LONP1: variants seen among roughly 807,000 people sequenced by gnomAD.
LONP1 encodes the protein lon protease homolog, mitochondrial.
LONP1 carries 31 observed loss-of-function variants against 98.5 expected under a neutral mutation model. The observed-to-expected ratio is 0.31, with a 90% CI of 0.24 to 0.42. The LOEUF (loss-of-function observed/expected upper bound fraction) is 0.42. LONP1 is among the 20% of genes least tolerant of loss of function. LONP1 has a pLI of 1.00. For synonymous variants in LONP1, 781 were observed against 594.7 expected, an observed-to-expected ratio of 1.31 and a Z score of -4.56; for missense variants, 1,336 against 1,350.6, an observed-to-expected ratio of 0.99 and a Z score of 0.17.
chr19:5,702,815 G>A (rs3901304), intron 8 of LONP1, among the ~76,000 whole-genome samples: 17,085 of 150,876 alleles, frequency 0.11, 1,025 homozygotes, highest in South Asian at 0.22. Context: ...GATGCTTGAA[G>A]GCAGCATGCT....
In LONP1 at chr19:5,711,997, T is replaced by C. The variant is rs750475966; in HGVS notation, c.644A>G (p.His215Arg). The change falls in exon 4 of 18, where the codon CAT becomes CGT. Residue 215 changes from histidine to arginine, a missense_variant. Around this residue, in one of 5 missense-constraint regions of LONP1, gnomAD observed 457 missense variants for 403.1 expected, o/e 1.13. Transcript: ENST00000360614. ...CTCCACCTCCAGCTGTCTGCTGATA[T>C]GGACTCTGACACGGGAGCAAGGCAG... ...RMIVMGHRRV[H>R]ISRQLEVEPE... The C allele has an allele frequency of 1.1e-5, 18 of 1,611,706 alleles. No individual in the cohort carries two copies. The highest frequency in any genetic ancestry group is 4.4e-5 in the South Asian group (4 of 91,038).
At chr19:5,707,194 G>C (rs755117452) in intron 6 of LONP1, 51 bp from the exon 7 acceptor site, 10 of 1,463,722 alleles carry the variant, frequency 6.8e-6, no homozygotes, top group African/African-American at 2.8e-5. Flanking sequence ...GCATCTGTGT[G>C]TGTAGGGCCG....
At chr19:5,714,323 G>T in intron 1 of LONP1, 52 bp from the exon 2 acceptor site, 1 of 1,251,946 alleles carries the variant, frequency 8.0e-7, no homozygotes, top group African/African-American at 1.5e-5. Flanking sequence ...TTTTTTTTGA[G>T]ACAGAGTCTC....
chr19:5,692,770 CCAATT>C (rs1455272136), intron 17 of LONP1, among the ~76,000 whole-genome samples: 4 of 152,168 alleles, frequency 2.6e-5, no homozygotes, highest in Non-Finnish European at 4.4e-5. Flanking sequence ...TGCCTGGTGT[CCAATT>C]CAAGGTGGTC....
Position 5,693,787 on chromosome 19 carries a change from C to A in LONP1, c.2321-18G>T, listed in dbSNP as rs770118418. The A allele has an allele frequency of 3.1e-6, 5 of 1,608,578 alleles. No individual in the cohort carries two copies. Among genetic ancestry groups the A allele is most frequent in the Admixed American group, 3.3e-5 (2 of 59,812 alleles). On this transcript the variant is annotated intron_variant, in intron 15 of 17. Coordinates refer to ENST00000360614, the MANE Select transcript of LONP1 (RefSeq NM_004793.4). The stretch of plus-strand genomic sequence containing the variant: ...GGAGCCTCCTGAAACAGGTGTGGAG[C>A]TGTGAACACGGGAGGCCTCGGAGCC...
chr19:5,699,867 T>C (rs2055010043), intron 9 of LONP1, among the ~76,000 whole-genome samples: 1 of 152,048 alleles, frequency 6.6e-6, no homozygotes, highest in African/African-American at 2.4e-5. Context: ...CTCTGACTCC[T>C]GTTTTTTAAC....
At chr19:5,695,637 A>G (rs969998365) in intron 13 of LONP1, among the ~76,000 whole-genome samples, 2 of 151,984 alleles carry the variant, frequency 1.3e-5, no homozygotes, top group East Asian at 1.9e-4. Context: ...AAAAAAACAC[A>G]TGAGAAATAT....
intron 1 of LONP1, among the ~76,000 whole-genome samples, chr19:5,719,010 A>G (rs2145640596): frequency 6.6e-6 from 1 of 152,280 alleles, no homozygotes; most frequent in South Asian, 2.1e-4. Flanking sequence ...TTCTAATACA[A>G]TATCGTTACT....
Position 5,693,731 on chromosome 19 carries a change from G to A in LONP1, c.2359C>T (p.Pro787Ser). The change falls in exon 16 of 18, where the codon CCA (proline) becomes TCA (serine). Residue 787 changes from proline to serine, a missense_variant. This residue lies in a region of LONP1 where 555 missense variants were observed against 542.6 expected (regional missense o/e 1.02). Transcript: ENST00000360614. ...TLFVETSLRR[P>S]QDKDAKGDKD... ...TCACCCTTGGCATCCTTGTCCTGTG[G>A]CCGTCTCAGGGATGTCTCCACAAAC... The A allele has an allele frequency of 6.2e-7, 1 of 1,613,962 alleles. No individual in the cohort carries two copies. The highest frequency in any genetic ancestry group is 8.5e-7 in the Non-Finnish European group (1 of 1,179,982).
At chr19:5,718,304 C>T (rs1183245668) in intron 1 of LONP1, among the ~76,000 whole-genome samples, 2 of 151,964 alleles carry the variant, frequency 1.3e-5, no homozygotes, top group Non-Finnish European at 2.9e-5. Flanking sequence ...ATGGTGAAAC[C>T]CTGTCTCTTC....
At chr19:5,692,622 CAT>C (rs1419853037) in intron 17 of LONP1, among the ~76,000 whole-genome samples, 1 of 152,200 alleles carries the variant, frequency 6.6e-6, no homozygotes, top group Non-Finnish European at 1.5e-5. Flanking sequence ...GGAGGCTACA[CAT>C]ATCTGGAGTA....
chr19:5,705,492 G>C (rs8103987), intron 8 of LONP1, among the ~76,000 whole-genome samples: 1 of 148,590 alleles, frequency 6.7e-6, no homozygotes, highest in African/African-American at 2.5e-5. Flanking sequence ...CCCTGGCTTA[G>C]AGCCAGGCGT....
intron 14 of LONP1, 100 bp from the exon 15 acceptor site, chr19:5,694,652 T>TGGGGTGATGGGCGC: frequency 4.5e-6 from 7 of 1,550,518 alleles, no homozygotes; most frequent in Non-Finnish European, 6.1e-6. Flanking sequence ...CGCGGGGTGG[T>TGGGGTGATGGGCGC]GGGGTGATGG....
At chr19:5,712,392 G>A (rs2055252677) in intron 3 of LONP1, 2 of 195,604 alleles carry the variant, frequency 1.0e-5, no homozygotes, top group South Asian at 1.1e-4. Flanking sequence ...GCTCCTTCCT[G>A]TTGTTCAGGT....
chr19:5,701,255 C>G (rs1599458907), intron 8 of LONP1, among the ~76,000 whole-genome samples: 1 of 152,208 alleles, frequency 6.6e-6, no homozygotes, highest in African/African-American at 2.4e-5. Context: ...ACCATCCTGG[C>G]TAGCACGGTG....
intron 11 of LONP1, 97 bp from the exon 12 acceptor site, chr19:5,696,468 G>A (rs1466345164): frequency 1.2e-5 from 18 of 1,502,556 alleles, no homozygotes; most frequent in Non-Finnish European, 1.6e-5. Context: ...GACCCCGAGT[G>A]AGAGCGGCAC....
In LONP1 at chr19:5,719,892, C is replaced by T. The variant is rs751508398; in HGVS notation, c.241G>A (p.Gly81Arg). The change falls in exon 1 of 18, where the codon GGG (glycine) becomes AGG (arginine). Residue 81 changes from glycine (G) to arginine (R), a missense_variant. This residue lies in a region of LONP1 where 457 missense variants were observed against 403.1 expected (regional missense o/e 1.13). Coordinates refer to ENST00000360614, the MANE Select transcript of LONP1 (RefSeq NM_004793.4). ...CCGCCCTCGGAGGCGTCCTCGCCCC[C>T]CGAGAATGCGCCTCCGCCGCGGCTG... ...ASSRGGGAFS[G>R]GEDASEGGAE... 23 of 1,563,916 alleles carry T rather than the reference C, an allele frequency of 1.5e-5. No individual in the cohort carries two copies. Among genetic ancestry groups the T allele is most frequent in the Middle Eastern group, 3.5e-4 (2 of 5,716 alleles).
At chr19:5,712,170 G>A (rs571586943) in intron 3 of LONP1, 168 bp from the exon 4 acceptor site, 54 of 592,486 alleles carry the variant, frequency 9.1e-5, no homozygotes, top group Non-Finnish European at 1.3e-4. Flanking sequence ...CCGCTTTCTC[G>A]GGGCCTCCCA....
chr19:5,710,191 C>A (rs2055215394), intron 4 of LONP1, among the ~76,000 whole-genome samples: 1 of 150,804 alleles, frequency 6.6e-6, no homozygotes, highest in Non-Finnish European at 1.5e-5. Flanking sequence ...TCAAGCAATT[C>A]TCCCGCCTCA....
Sources: gnomAD v4.1 joint callset for allele counts (sites outside exome capture counted in the v4.1 genomes callset) on GRCh38, gnomAD v4.1.1 for gene constraint, gnomAD v4.1.1 regional missense constraint, MANE v1.5 for transcripts, NCBI Gene and HGNC (gene_info 2026-07-23, HGNC 2026-07-21) for gene names.